Variants in GPRIN3 observed in about 807,000 individuals in gnomAD.
The protein encoded by GPRIN3 is GPRIN family member 3, also known as G protein-regulated inducer of neurite outgrowth 3.
GPRIN3 carries 12 observed loss-of-function variants against 13.7 expected under a neutral mutation model. The ratio of observed to expected loss-of-function variants is 0.87; its 90% CI spans 0.56 to 1.42. The LOEUF (loss-of-function observed/expected upper bound fraction) is 1.42. Ranked by LOEUF, GPRIN3 falls within the 40% of genes most tolerant of loss-of-function variation. The pLI is 0.00. For missense variants in GPRIN3, 1,009 were observed against 958.7 expected (o/e 1.05, Z -0.69); for synonymous variants, 377 against 372.7 (o/e 1.01, Z -0.13).
chr4:89,271,687 T>C (rs1723955583), intron 1 of GPRIN3, among the ~76,000 whole-genome samples: 1 of 151,964 alleles, frequency 6.6e-6, no homozygotes, highest in South Asian at 2.1e-4. Flanking sequence ...GCTGGCTGTA[T>C]TGGGGGTAGT....
chr4:89,238,580 AAAC>A lies in GPRIN3; in HGVS notation c.*9197_*9199del, dbSNP rs1722844377. 7.5e-6 allele frequency: 1 copy of A among 133,680 alleles called. No homozygotes were observed. The highest frequency in any genetic ancestry group is 2.9e-5 in the African/African-American group (1 of 34,500). 8.3% of individuals were successfully genotyped at this position (133,680 alleles called of 1,614,324 possible). ...ATGCTCAGCTCTCATCATTCTCACC[AAAC>A]AACACACACACAACGCACAAACACA... On this transcript the variant is annotated 3_prime_UTR_variant, in exon 2 of 2. Coordinates refer to ENST00000609438, the MANE Select transcript of GPRIN3 (RefSeq NM_198281.3).
chr4:89,307,459 T>C (rs915496754), intron 1 of GPRIN3, among the ~76,000 whole-genome samples, 156 bp downstream of exon 1: 1 of 152,152 alleles, frequency 6.6e-6, no homozygotes, highest in East Asian at 1.9e-4. Context: ...CTGCCCCTCC[T>C]AGAGCGCAGG....
At position 89,246,258 on chromosome 4, in the gene GPRIN3, AAAG is replaced by A. The variant is rs1217230430; in HGVS notation, c.*1519_*1521del. 1 of 152,206 alleles carries A rather than the reference AAAG, an allele frequency of 6.6e-6. No homozygotes were observed. The highest frequency in any genetic ancestry group is 6.5e-5 in the Admixed American group (1 of 15,282). The allele number at this position is 152,206 out of a possible 1,614,324, so 9.4% of individuals were successfully genotyped here. On this transcript the variant is annotated 3_prime_UTR_variant, in exon 2 of 2. Coordinates refer to ENST00000609438, the MANE Select transcript of GPRIN3 (RefSeq NM_198281.3). ...CTAGCTCATTACGGGGAATGAGTTCAAAGAAGACAACCGGTGCCCCTCCAGCAT... is the reference window on the plus strand; with the variant it reads ...CTAGCTCATTACGGGGAATGAGTTCAAAGACAACCGGTGCCCCTCCAGCAT...
intron 1 of GPRIN3, among the ~76,000 whole-genome samples, chr4:89,304,932 C>A (rs529613500): frequency 6.6e-6 from 1 of 152,130 alleles, no homozygotes; most frequent in African/African-American, 2.4e-5. Flanking sequence ...ATAATTAAGA[C>A]TTTTCCCCCT....
chr4:89,250,132 T>G lies in GPRIN3; in HGVS notation c.-22A>C, dbSNP rs761833478. On this transcript the variant is annotated 5_prime_UTR_variant, in exon 2 of 2. Coordinates refer to ENST00000609438, the MANE Select transcript of GPRIN3 (RefSeq NM_198281.3). ...CCATGGAATTTCTCTTCAGGAGCACTCCAGAGCTCTCTTGAGTACTGGTCC... is the reference window on the plus strand; with the variant it reads ...CCATGGAATTTCTCTTCAGGAGCACGCCAGAGCTCTCTTGAGTACTGGTCC... 2.5e-6 allele frequency: 4 copies of G among 1,596,832 alleles called. No individual in the cohort carries two copies. In the Admixed American group the frequency reaches 6.8e-5, roughly 27 times the overall value.
chr4:89,248,145 C>A lies in GPRIN3; in HGVS notation c.1966G>T (p.Val656Leu). Residue 656 changes from valine (V) to leucine (L), a missense_variant, in exon 2 of 2, where the codon GTA (valine) becomes TTA (leucine). Val to Leu is a conservative substitution (Grantham distance 32). Coordinates refer to ENST00000609438, the MANE Select transcript of GPRIN3 (RefSeq NM_198281.3). The stretch of plus-strand genomic sequence containing the variant: ...TTCTTATCTCCTGGAGTGAGTCCTA[C>A]CTGAGCAGCAGCTGCTGTCACATTT... ...KLNVTAAAAQ[V>L]GLTPGDKKKQ... 1 of 1,614,110 alleles carries A rather than the reference C, an allele frequency of 6.2e-7. No individual in the cohort carries two copies. Among genetic ancestry groups the A allele is most frequent in the Non-Finnish European group, 8.5e-7 (1 of 1,180,016 alleles).
Position 89,238,700 on chromosome 4 carries a change from GA to G in GPRIN3, c.*9079del, listed in dbSNP as rs35813307. 1.3e-5 allele frequency: 2 copies of G among 152,054 alleles called. No individual in the cohort carries two copies. The highest frequency in any genetic ancestry group is 4.8e-5 in the African/African-American group (2 of 41,398). 9.4% of individuals were successfully genotyped at this position (152,054 alleles called of 1,614,324 possible). A position where few individuals can be genotyped will look rare whatever the true frequency, so the allele number is the denominator to read the frequency against. ...CTATGGGAATTCTATTTTAATTAAAGAAAAAAGTTCTTTCATTGCAAATACT... is the reference window on the plus strand; with the variant it reads ...CTATGGGAATTCTATTTTAATTAAAGAAAAAGTTCTTTCATTGCAAATACT... On this transcript the variant is annotated 3_prime_UTR_variant, in exon 2 of 2. Coordinates refer to ENST00000609438, the MANE Select transcript of GPRIN3 (RefSeq NM_198281.3).
chr4:89,262,475 C>A (rs1030984409), intron 1 of GPRIN3, among the ~76,000 whole-genome samples: 1 of 152,084 alleles, frequency 6.6e-6, no homozygotes, highest in Non-Finnish European at 1.5e-5. Flanking sequence ...AAATGTAAGG[C>A]CTGGTGCTCC....
chr4:89,281,473 C>T lies in GPRIN3; in HGVS notation c.-124+26142G>A, dbSNP rs547015869. ...TTCTCACAGAGAAGTCACTCACTGT[C>T]GTGAAGACAGCACTAAGAGGATGGT... On this transcript the variant is annotated intron_variant, in intron 1 of 1. Coordinates refer to ENST00000609438, the MANE Select transcript of GPRIN3 (RefSeq NM_198281.3). 2.2e-4 allele frequency among the ~76,000 whole-genome samples: 34 copies of T among 152,254 alleles called. No individual in the cohort carries two copies. In the South Asian group the frequency reaches 4.1e-3, roughly 19 times the overall value.
rs372453944 is a variant in GPRIN3, at chr4:89,248,194, G to T, written c.1917C>A (p.Ser639Arg). The T allele has an allele frequency of 6.2e-7, 1 of 1,614,028 alleles. No homozygotes were observed. Among genetic ancestry groups the T allele is most frequent in the Non-Finnish European group, 8.5e-7 (1 of 1,180,026 alleles). Residue 639 changes from serine to arginine, a missense_variant, in exon 2 of 2, where the codon AGC (serine) becomes AGA (arginine). By Grantham distance (110) the Ser-to-Arg change is moderately radical (BLOSUM62 -1). Transcript: ENST00000609438. ...TTAACTTTTGCTCCTTGAGGAACTCGCTGACGCGGCTGGGCCTGCGTGGGC... is the reference window on the plus strand; with the variant it reads ...TTAACTTTTGCTCCTTGAGGAACTCTCTGACGCGGCTGGGCCTGCGTGGGC... ...KASPRRPSRV[S>R]EFLKEQKLNV...
At chr4:89,274,176 C>T (rs563388439) in intron 1 of GPRIN3, among the ~76,000 whole-genome samples, 9 of 152,084 alleles carry the variant, frequency 5.9e-5, no homozygotes, top group Non-Finnish European at 1.0e-4. Flanking sequence ...CAGCAACACG[C>T]CAAATAAATG....
intron 1 of GPRIN3, among the ~76,000 whole-genome samples, chr4:89,289,077 C>A (rs540679858): frequency 2.0e-5 from 3 of 150,798 alleles, no homozygotes; most frequent in Admixed American, 1.3e-4. Context: ...TTCTTTGACC[C>A]GAAATGTTGG....
At chr4:89,272,314 C>G (rs932594174) in intron 1 of GPRIN3, among the ~76,000 whole-genome samples, 1 of 152,158 alleles carries the variant, frequency 6.6e-6, no homozygotes, top group Non-Finnish European at 1.5e-5. Context: ...GCAACAGACT[C>G]ATAAAATGGC....
intron 1 of GPRIN3, among the ~76,000 whole-genome samples, chr4:89,286,348 T>C (rs781359747): frequency 9.9e-5 from 15 of 152,272 alleles, no homozygotes; most frequent in Non-Finnish European, 2.2e-4. Flanking sequence ...TATGGTATAA[T>C]GATGGTCTGC....
chr4:89,291,869 A>G (rs1276602690), intron 1 of GPRIN3, among the ~76,000 whole-genome samples: 2 of 137,730 alleles, frequency 1.5e-5, no homozygotes, highest in East Asian at 4.2e-4. Flanking sequence ...CTTAGTATAT[A>G]GTGTGGGATG....
At chr4:89,264,246 T>C (rs1027719988) in intron 1 of GPRIN3, among the ~76,000 whole-genome samples, 2 of 152,130 alleles carry the variant, frequency 1.3e-5, no homozygotes, top group African/African-American at 2.4e-5. Context: ...TGAGAGCTGA[T>C]AGATAAAAAG....
At chr4:89,252,696 T>C (rs1276532742) in intron 1 of GPRIN3, among the ~76,000 whole-genome samples, 1 of 152,226 alleles carries the variant, frequency 6.6e-6, no homozygotes, top group African/African-American at 2.4e-5. Flanking sequence ...AAACAAGCTC[T>C]TCCTTCTAAC....
chr4:89,255,739 T>A (rs928928579), intron 1 of GPRIN3, among the ~76,000 whole-genome samples: 2 of 152,180 alleles, frequency 1.3e-5, no homozygotes, highest in Non-Finnish European at 2.9e-5. Flanking sequence ...GCAAGGTTCT[T>A]GCTAAAACTG....
At chr4:89,271,309 T>G (rs892944002) in intron 1 of GPRIN3, among the ~76,000 whole-genome samples, 1 of 152,158 alleles carries the variant, frequency 6.6e-6, no homozygotes, top group Admixed American at 6.5e-5. Flanking sequence ...CTGCATTCTT[T>G]GTAAGCTTAT....
Sources: gnomAD v4.1 joint callset for allele counts (sites outside exome capture counted in the v4.1 genomes callset) on GRCh38, gnomAD v4.1.1 for gene constraint, MANE v1.5 for transcripts, NCBI Gene and HGNC (gene_info 2026-07-23, HGNC 2026-07-21) for gene names.